Variants in DSG1 observed in about 807,000 individuals in gnomAD.
The protein encoded by DSG1 is desmoglein-1.
DSG1 carries 39 observed loss-of-function variants against 97.5 expected under a neutral mutation model. The ratio of observed to expected loss-of-function variants is 0.40; its 90% CI spans 0.31 to 0.52. The LOEUF (loss-of-function observed/expected upper bound fraction) is 0.52, where lower values mean the gene tolerates loss of function less well. Among genes scored for constraint, DSG1 ranks in the 20% least tolerant of loss-of-function variants. DSG1 has a pLI of 0.53. For missense variants in DSG1, 1,311 were observed against 1,295.4 expected, an observed-to-expected ratio of 1.01 and a Z score of -0.18; for synonymous variants, 475 against 443.4, an observed-to-expected ratio of 1.07 and a Z score of -0.90.
At chr18:31,322,986 C>G (rs951076977) in intron 1 of DSG1, among the ~76,000 whole-genome samples, 1 of 152,072 alleles carries the variant, frequency 6.6e-6, no homozygotes, top group African/African-American at 2.4e-5. Context: ...TGGATTGGTT[C>G]CTAAAACAGA....
intron 11 of DSG1, among the ~76,000 whole-genome samples, chr18:31,341,128 A>C (rs912406617): frequency 6.6e-6 from 1 of 152,228 alleles, no homozygotes; most frequent in Non-Finnish European, 1.5e-5. Flanking sequence ...ATGATGATAG[A>C]AATTAGAGCA....
At chr18:31,324,608 A>G (rs966123674) in intron 1 of DSG1, among the ~76,000 whole-genome samples, 3 of 152,148 alleles carry the variant, frequency 2.0e-5, no homozygotes, top group Non-Finnish European at 4.4e-5. Flanking sequence ...CCCACAGTTT[A>G]AAACTGCCAT....
chr18:31,347,002 A>C (rs917352934), intron 14 of DSG1, among the ~76,000 whole-genome samples: 5 of 152,172 alleles, frequency 3.3e-5, no homozygotes, highest in African/African-American at 9.7e-5. Flanking sequence ...TGCCATCCCC[A>C]GGAAGAGATG....
chr18:31,339,367 A>C, intron 10 of DSG1, among the ~76,000 whole-genome samples: 1 of 152,242 alleles, frequency 6.6e-6, no homozygotes, highest in Non-Finnish European at 1.5e-5. Context: ...AATTAAGGAC[A>C]AAAGATCATT....
chr18:31,336,284 C>T, intron 8 of DSG1, 70 bp from the exon 9 acceptor site: 1 of 1,420,284 alleles, frequency 7.0e-7, no homozygotes, highest in Non-Finnish European at 9.6e-7. Flanking sequence ...TTGCTATTAT[C>T]AAAGGATTTT....
chr18:31,343,464 A>T lies in DSG1; in HGVS notation c.1702A>T (p.Met568Leu), dbSNP rs2071803753. 1.2e-6 allele frequency: 2 copies of T among 1,613,950 alleles called. No individual in the cohort carries two copies. Among genetic ancestry groups the T allele is most frequent in the Admixed American group, 1.7e-5 (1 of 60,006 alleles). ...FLVLGLVPFLMICCDCGGAPR... is the reference protein window; with the variant it reads ...FLVLGLVPFLLICCDCGGAPR... ...TCCACCACCAGTGGTCCCATTTTTGATGATCTGTTGTGATTGTGGAGGTGC... is the reference window on the plus strand; with the variant it reads ...TCCACCACCAGTGGTCCCATTTTTGTTGATCTGTTGTGATTGTGGAGGTGC... The change falls in exon 12 of 15, where the codon ATG becomes TTG. Residue 568 changes from methionine (M) to leucine (L), a missense_variant. By Grantham distance (15) the Met-to-Leu change is conservative. Around this residue, in one of 3 missense-constraint regions of DSG1, gnomAD observed 1,038 missense variants for 964.6 expected, o/e 1.08. Coordinates refer to ENST00000257192, the MANE Select transcript of DSG1 (RefSeq NM_001942.4).
intron 1 of DSG1, among the ~76,000 whole-genome samples, chr18:31,320,307 T>C (rs1419875299): frequency 6.6e-6 from 1 of 152,206 alleles, no homozygotes; most frequent in African/African-American, 2.4e-5. Context: ...AAAATTTATG[T>C]AAAGTCTTTA....
In DSG1 at chr18:31,355,686, C is replaced by A; in HGVS notation, c.*340C>A. ...TGCTCTGTTTTGCTTTTCCATATAGCTCGAGCAAAATTCAAAAAGAACTAA... is the reference window on the plus strand; with the variant it reads ...TGCTCTGTTTTGCTTTTCCATATAGATCGAGCAAAATTCAAAAAGAACTAA... On this transcript the variant is annotated 3_prime_UTR_variant, in exon 15 of 15. Transcript: ENST00000257192. 3.3e-6 allele frequency: 1 copy of A among 298,746 alleles called. No individual in the cohort carries two copies. Among genetic ancestry groups the A allele is most frequent in the African/African-American group, 2.1e-5 (1 of 47,092 alleles). The allele number at this position is 298,746 out of a possible 1,614,324, so 18.5% of individuals were successfully genotyped here.
Position 31,324,519 on chromosome 18 carries a change from T to C in DSG1, c.49-2062T>C, listed in dbSNP as rs183439201. On this transcript the variant is annotated intron_variant, in intron 1 of 14. Coordinates refer to ENST00000257192, the MANE Select transcript of DSG1 (RefSeq NM_001942.4). The stretch of plus-strand genomic sequence containing the variant: ...GATCCATGTTTCCAATTGCTGATCA[T>C]CTTCACCCAGGCATTATCTGGCATC... 2.6e-5 allele frequency among the ~76,000 whole-genome samples: 4 copies of C among 152,306 alleles called. No homozygotes were observed. In the East Asian group the frequency reaches 7.7e-4, roughly 29 times the overall value.
At chr18:31,320,985 G>A (rs2144080742) in intron 1 of DSG1, among the ~76,000 whole-genome samples, 1 of 152,160 alleles carries the variant, frequency 6.6e-6, no homozygotes, top group Middle Eastern at 3.4e-3. Flanking sequence ...TGCAGCTCAA[G>A]CTCAAAGAAC....
Position 31,336,458 on chromosome 18 carries a change from T to C in DSG1, c.1110T>C (p.Ser370=). The change falls in exon 9 of 15, where the codon TCT becomes TCC. Residue 370 remains serine (S), a synonymous_variant. Transcript: ENST00000257192. The stretch of plus-strand genomic sequence containing the variant: ...TGTCTCAATATAAACTGAAAGCATC[T>C]GCAATTTCTGTGACTGTGTTAAATG... ...SIMSQYKLKA[S]AISVTVLNVI... is the part of the protein sequence containing the mutation. The C allele has an allele frequency of 6.2e-7, 1 of 1,614,028 alleles. No individual in the cohort carries two copies. The highest frequency in any genetic ancestry group is 1.7e-5 in the Admixed American group (1 of 60,020).
chr18:31,322,776 TG>T (rs1214734288), intron 1 of DSG1, among the ~76,000 whole-genome samples: 1 of 152,222 alleles, frequency 6.6e-6, no homozygotes, highest in Non-Finnish European at 1.5e-5. Flanking sequence ...AAAAGTGACT[TG>T]GAAGACCATC....
chr18:31,326,834 C>A, intron 2 of DSG1, 40 bp from the exon 3 acceptor site: 2 of 1,602,252 alleles, frequency 1.2e-6, no homozygotes, highest in South Asian at 2.2e-5. Flanking sequence ...ATTACGAATT[C>A]AAATTAATAT....
intron 4 of DSG1, among the ~76,000 whole-genome samples, chr18:31,328,551 A>G (rs1397837522): frequency 6.6e-6 from 1 of 152,182 alleles, no homozygotes; most frequent in Non-Finnish European, 1.5e-5. Context: ...CAAAAATGCT[A>G]ACCTCTATAC....
chr18:31,338,252 T>A, intron 9 of DSG1, 63 bp from the exon 10 acceptor site: 1 of 1,517,102 alleles, frequency 6.6e-7, no homozygotes, highest in Non-Finnish European at 9.0e-7. Flanking sequence ...CAATACATTT[T>A]AAATTAAAAT....
At position 31,346,166 on chromosome 18, in the gene DSG1, A is replaced by T; in HGVS notation, c.2068A>T (p.Asn690Tyr). The change falls in exon 14 of 15, where the codon AAT (asparagine) becomes TAT (tyrosine). Residue 690 changes from asparagine (N) to tyrosine (Y), a missense_variant. Asn to Tyr is a moderately radical substitution (Grantham distance 143, BLOSUM62 -2). Transcript: ENST00000257192. Reference protein sequence around the residue: ...SMRECREGGLNMNFMESYFCQ... With the variant: ...SMRECREGGLYMNFMESYFCQ... The stretch of plus-strand genomic sequence containing the variant: ...GAGGGAATGTAGAGAAGGAGGTCTG[A>T]ATATGAATTTCATGGAAAGCTACTT... 7.4e-6 allele frequency: 12 copies of T among 1,613,884 alleles called. No homozygotes were observed. The highest frequency in any genetic ancestry group is 1.0e-5 in the Non-Finnish European group (12 of 1,179,794).
chr18:31,346,712 G>A (rs576885954), intron 14 of DSG1, among the ~76,000 whole-genome samples: 5 of 152,212 alleles, frequency 3.3e-5, no homozygotes, highest in Admixed American at 1.3e-4. Flanking sequence ...TAGGATTAAT[G>A]TTTTCTCATC....
chr18:31,327,499 A>G (rs904235492), intron 3 of DSG1, among the ~76,000 whole-genome samples: 3 of 152,148 alleles, frequency 2.0e-5, no homozygotes, highest in Non-Finnish European at 4.4e-5. Flanking sequence ...ATGAACATAC[A>G]GATGTACACG....
At position 31,332,802 on chromosome 18, in the gene DSG1, T is replaced by C. The variant is rs368456047; in HGVS notation, c.685-787T>C. Among the ~76,000 whole-genome samples the C allele has an allele frequency of 5.9e-5, 9 of 152,286 alleles. No individual in the cohort carries two copies. In the East Asian group the frequency reaches 9.6e-4, roughly 16 times the overall value. On this transcript the variant is annotated intron_variant, in intron 6 of 14. Coordinates refer to ENST00000257192, the MANE Select transcript of DSG1 (RefSeq NM_001942.4). ...TTACCTAAGTCTCCTTTTATACATGTTTGAAAATCAACATTAGAAGAAATT... is the reference window on the plus strand; with the variant it reads ...TTACCTAAGTCTCCTTTTATACATGCTTGAAAATCAACATTAGAAGAAATT...
Sources: gnomAD v4.1 joint callset for allele counts (sites outside exome capture counted in the v4.1 genomes callset) on GRCh38, gnomAD v4.1.1 for gene constraint, gnomAD v4.1.1 regional missense constraint, MANE v1.5 for transcripts, NCBI Gene and HGNC (gene_info 2026-07-23, HGNC 2026-07-21) for gene names.